The following ITIH1 variants were observed in gnomAD, a reference collection of about 807,000 sequenced individuals.
ITIH1 encodes inter-alpha-trypsin inhibitor heavy chain 1.
In ITIH1, 94 loss-of-function variants were observed where a neutral mutation model predicts 104.6. That is an observed-to-expected ratio of 0.90 (90% CI 0.76 to 1.07). The LOEUF is 1.07. Ranked by LOEUF, ITIH1 falls within the 50% of genes least tolerant of loss-of-function variation. ITIH1 has a pLI of 0.00. For synonymous variants in ITIH1, 455 were observed against 464.4 expected (o/e 0.98, Z 0.26); for missense variants, 1,193 against 1,181.4 (o/e 1.01, Z -0.14).
In ITIH1 at chr3:52,787,994, C is replaced by A; in HGVS notation, c.1933C>A (p.Leu645Met). The A allele has an allele frequency of 6.2e-7, 1 of 1,613,892 alleles. No individual in the cohort carries two copies. The highest frequency in any genetic ancestry group is 8.5e-7 in the Non-Finnish European group (1 of 1,179,836). Residue 645 changes from leucine (L) to methionine (M), a missense_variant, in exon 17 of 22, where the codon CTG becomes ATG. Physicochemically the swap from Leu to Met is conservative, Grantham distance 15. Transcript: ENST00000273283. ...ACTCCCCCTCCCATCAGCGTTCGTG[C>A]TGTCAGCCTTGCAGCCTTCTCCTAC... The part of the protein sequence containing the change: ...EMLGPRRTFV[L>M]SALQPSPTHS...
Position 52,786,288 on chromosome 3 carries a change from C to G in ITIH1, c.1594-7C>G, listed in dbSNP as rs1163235105. 1 of 1,566,472 alleles carries G rather than the reference C, an allele frequency of 6.4e-7. No homozygotes were observed. Among genetic ancestry groups the G allele is most frequent in the Admixed American group, 1.9e-5 (1 of 52,458 alleles). On this transcript the variant is annotated splice_region_variant and splice_polypyrimidine_tract_variant and intron_variant, in intron 12 of 21. Coordinates refer to ENST00000273283, the MANE Select transcript of ITIH1 (RefSeq NM_002215.4). ...TGCACCACCCCTCTCTGTACCTCAA[C>G]TCTCAGGAGGGACAAGAATTCAGTA...
At chr3:52,788,773 T>C (rs2284351) in intron 18 of ITIH1, among the ~76,000 whole-genome samples, 56,009 of 151,868 alleles carry the variant, frequency 0.37, 10,638 homozygotes, top group Admixed American at 0.46. Flanking sequence ...GTTGGCCTGG[T>C]TGGTCTCAAA....
chr3:52,787,893 C>G, intron 16 of ITIH1, 93 bp from the exon 17 acceptor site: 1 of 1,289,352 alleles, frequency 7.8e-7, no homozygotes, highest in South Asian at 1.2e-5. Context: ...CTCAGGCCAG[C>G]CCCACCAGTG....
At chr3:52,791,757 C>A in intron 21 of ITIH1, 25 bp from the exon 22 acceptor site, 4 of 1,607,852 alleles carry the variant, frequency 2.5e-6, no homozygotes, top group Non-Finnish European at 3.4e-6. Context: ...CGAAGGGTGA[C>A]CCCAGCTGAC....
chr3:52,777,664 G>C lies in ITIH1; in HGVS notation c.49G>C (p.Val17Leu). The C allele has an allele frequency of 6.2e-7, 1 of 1,605,678 alleles. No homozygotes were observed. The highest frequency in any genetic ancestry group is 2.2e-5 in the East Asian group (1 of 44,844). ...GGGGCTGCTGTTGTGCATGTACCTG[G>C]TATCTCTCCTCATCCTGCAGGCCAT... Reference protein sequence around the residue: ...PRGLLLCMYLVSLLILQAMPA... With the variant: ...PRGLLLCMYLLSLLILQAMPA... Residue 17 changes from valine (V) to leucine (L), a missense_variant, in exon 1 of 22, where the codon GTA becomes CTA. Val to Leu is a conservative substitution (Grantham distance 32). Transcript: ENST00000273283.
intron 10 of ITIH1, among the ~76,000 whole-genome samples, chr3:52,783,719 C>T (rs76214357): frequency 0.029 from 4,381 of 152,076 alleles, 210 homozygotes; most frequent in African/African-American, 0.097. Context: ...TCAAAGAGCC[C>T]GGGACCTACT....
intron 15 of ITIH1, 47 bp downstream of exon 15, chr3:52,787,249 G>A (rs774128795): frequency 1.2e-6 from 2 of 1,611,522 alleles, no homozygotes; most frequent in South Asian, 2.2e-5. Context: ...TCGGTAGCTG[G>A]GCAGGTGGCA....
chr3:52,790,036 C>T (rs1325637959), intron 19 of ITIH1, 182 bp downstream of exon 19: 2 of 630,824 alleles, frequency 3.2e-6, no homozygotes, highest in Non-Finnish European at 5.5e-6. Context: ...CTGGATATGT[C>T]CTCTGGGCCC....
intron 20 of ITIH1, 102 bp downstream of exon 20, chr3:52,791,023 C>T: frequency 8.2e-7 from 1 of 1,223,018 alleles, no homozygotes; most frequent in Non-Finnish European, 1.1e-6. Flanking sequence ...GGCACCAGGA[C>T]AGGCCCACCT....
chr3:52,791,171 C>T (rs1699347502), intron 20 of ITIH1, among the ~76,000 whole-genome samples: 1 of 152,140 alleles, frequency 6.6e-6, no homozygotes, highest in Non-Finnish European at 1.5e-5. Context: ...AAGAAAGGCC[C>T]AGAGGGTTCC....
intron 18 of ITIH1, among the ~76,000 whole-genome samples, chr3:52,789,171 T>C (rs1330732051): frequency 2.0e-5 from 3 of 151,856 alleles, no homozygotes; most frequent in East Asian, 1.9e-4. Flanking sequence ...CCCGCTTTCA[T>C]AGAGTTTAGG....
At position 52,779,771 on chromosome 3, in the gene ITIH1, C is replaced by A; in HGVS notation, c.573+177C>A. The A allele has an allele frequency of 9.6e-7, 1 of 1,040,302 alleles. No individual in the cohort carries two copies. The highest frequency in any genetic ancestry group is 1.4e-6 in the Non-Finnish European group (1 of 723,122). 64.4% of individuals were successfully genotyped at this position (1,040,302 alleles called of 1,614,324 possible). A position where few individuals can be genotyped will look rare whatever the true frequency, so the allele number is the denominator to read the frequency against. ...TTGGGCAGGGAACTCCCTGAATTCT[C>A]TAACTTCCTCTTTATCTCTGAGCTT... is the stretch of plus-strand genomic sequence containing the variant. On this transcript the variant is annotated intron_variant, in intron 5 of 21. Transcript: ENST00000273283. This position sits in a 1 kb window ranked among gnomAD's most constrained non-coding sequence, Gnocchi z 4.4.
chr3:52,789,978 G>C (rs934698408), intron 19 of ITIH1, 124 bp downstream of exon 19: 4 of 916,940 alleles, frequency 4.4e-6, no homozygotes, highest in Non-Finnish European at 6.7e-6. Context: ...GGCCTGTGCA[G>C]ACATGTCAGA....
chr3:52,788,210 G>A (rs1054777548), intron 17 of ITIH1, 22 bp from the exon 18 acceptor site: 7 of 1,580,360 alleles, frequency 4.4e-6, no homozygotes, highest in Middle Eastern at 3.3e-4. Flanking sequence ...CCAATCTAAC[G>A]AATTCCATGC....
chr3:52,786,550 CT>C, intron 13 of ITIH1, 116 bp downstream of exon 13: 1 of 1,047,830 alleles, frequency 9.5e-7, no homozygotes, highest in Non-Finnish European at 1.4e-6. Context: ...TTACTTTCCT[CT>C]TCTGCTTTGC....
rs554622131 is a variant in ITIH1 at position 52,791,824 on chromosome 3, C to T, written c.2649C>T (p.Ala883=). Residue 883 remains alanine (A), a synonymous_variant, in exon 22 of 22, where the codon GCC becomes GCT. Coordinates refer to ENST00000273283, the MANE Select transcript of ITIH1 (RefSeq NM_002215.4). The stretch of plus-strand genomic sequence containing the variant: ...ACAGCAAGGACCCGTGGCATGGGGC[C>T]GAGGTGTCCTGCTGGTTCATTCACA... ...KDYSKDPWHG[A]EVSCWFIHNN... 10 of 1,614,144 alleles carry T rather than the reference C, an allele frequency of 6.2e-6. No individual in the cohort carries two copies. The highest frequency in any genetic ancestry group is 2.2e-5 in the East Asian group (1 of 44,882).
At chr3:52,783,948 G>T (rs888326976) in intron 10 of ITIH1, among the ~76,000 whole-genome samples, 7 of 152,100 alleles carry the variant, frequency 4.6e-5, no homozygotes, top group Non-Finnish European at 7.4e-5. Context: ...GTGTGCACTG[G>T]CAGGGCCTGC....
rs769873832 is a variant in ITIH1 at position 52,786,385 on chromosome 3, G to A, written c.1684G>A (p.Val562Ile). ...RERGHMLENH[V>I]ERLWAYLTIQ... is the part of the protein sequence containing the mutation. ...GCGTGGCCACATGCTGGAGAACCACGTCGAGCGCCTCTGGGCCTACCTCAC... is the reference window on the plus strand; with the variant it reads ...GCGTGGCCACATGCTGGAGAACCACATCGAGCGCCTCTGGGCCTACCTCAC... The change falls in exon 13 of 22, where the codon GTC (valine) becomes ATC (isoleucine). Residue 562 changes from valine (V) to isoleucine (I), a missense_variant. Coordinates refer to ENST00000273283, the MANE Select transcript of ITIH1 (RefSeq NM_002215.4). 65 of 1,585,804 alleles carry A rather than the reference G, an allele frequency of 4.1e-5. No homozygotes were observed. The highest frequency in any genetic ancestry group is 1.8e-4 in the Admixed American group (10 of 56,254).
In ITIH1 at chr3:52,778,430, A is replaced by C. The variant is rs766149805; in HGVS notation, c.229A>C (p.Asn77His). ...CTATGTTGTCACCAGCCAAGTGGTC[A>C]ACACTGCCAATGAAGCCAGGGAAGT... ...AHYVVTSQVV[N>H]TANEAREVAF... The change falls in exon 3 of 22, where the codon AAC becomes CAC. Residue 77 changes from asparagine (N) to histidine (H), a missense_variant. By Grantham distance (68) the Asn-to-His change is moderately conservative. Transcript: ENST00000273283. The C allele has an allele frequency of 6.2e-7, 1 of 1,614,100 alleles. No individual in the cohort carries two copies. Among genetic ancestry groups the C allele is most frequent in the African/African-American group, 1.3e-5 (1 of 74,932 alleles).
Sources: allele counts gnomAD v4.1 joint callset (sites outside exome capture counted in the v4.1 genomes callset), GRCh38; gene constraint gnomAD v4.1.1; non-coding constraint Gnocchi (gnomAD v3.1); transcripts MANE v1.5; gene names NCBI Gene and HGNC (gene_info 2026-07-23, HGNC 2026-07-21).